JOSD2: variants seen among roughly 807,000 people sequenced by gnomAD.
JOSD2 encodes the protein josephin-2.
In JOSD2, 20 loss-of-function variants were observed where a neutral mutation model predicts 19.3. That is an observed-to-expected ratio of 1.04 (90% confidence interval 0.73 to 1.51). The LOEUF is 1.51. JOSD2 is among the 40% of genes most tolerant of loss of function. The pLI, the probability that JOSD2 is intolerant of heterozygous loss-of-function variation, is 0.00. For synonymous variants in JOSD2, 118 were observed against 123.7 expected, an observed-to-expected ratio of 0.95 and a Z score of 0.31; for missense variants, 215 against 250.4, an observed-to-expected ratio of 0.86 and a Z score of 0.95.
chr19:50,510,102 G>A lies in JOSD2; in HGVS notation c.146+184C>T, dbSNP rs567450752. ...ACTGGATTGAGGTCTGGCTGGGGCT[G>A]AGGCCACAGGGACAGACAGGCACAG... is the stretch of plus-strand genomic sequence containing the variant. On this transcript the variant is annotated intron_variant, in intron 2 of 4. Transcript: ENST00000598418. 34 of 605,962 alleles carry A rather than the reference G, an allele frequency of 5.6e-5. 1 individual carries two copies. The South Asian group carries it at 6.5e-4, about 12-fold the overall frequency. 37.5% of individuals were successfully genotyped at this position (605,962 alleles called of 1,614,324 possible). A position where few individuals can be genotyped will look rare whatever the true frequency, so the allele number is the denominator to read the frequency against.
intron 2 of JOSD2, among the ~76,000 whole-genome samples, chr19:50,509,031 A>G (rs1385404728): frequency 6.7e-6 from 1 of 150,248 alleles, no homozygotes; most frequent in East Asian, 2.0e-4. Flanking sequence ...GCTGGGCAGG[A>G]GAGGGTCAGG....
At chr19:50,509,126 GAC>G (rs1979573572) in intron 2 of JOSD2, among the ~76,000 whole-genome samples, 3 of 126,402 alleles carry the variant, frequency 2.4e-5, no homozygotes, top group African/African-American at 9.7e-5. Context: ...TTTTTTTTGA[GAC>G]AGTCTTGCTC....
chr19:50,509,842 A>G (rs1979633047), intron 2 of JOSD2, among the ~76,000 whole-genome samples: 1 of 151,874 alleles, frequency 6.6e-6, no homozygotes, highest in Admixed American at 6.6e-5. Flanking sequence ...TCACGAGGTC[A>G]GGAGATTGAG....
rs1979361234 is a variant in JOSD2, at chr19:50,506,573, C to G, written c.273-1G>C. The G allele has an allele frequency of 6.6e-7, 1 of 1,523,712 alleles. No homozygotes were observed. The highest frequency in any genetic ancestry group is 1.4e-5 in the African/African-American group (1 of 72,306). The allele number at this position is 1,523,712 out of a possible 1,614,324, so 94.4% of individuals were successfully genotyped here. On this transcript the variant is annotated splice_acceptor_variant, in intron 3 of 4. Transcript: ENST00000598418. LOFTEE classifies it high-confidence loss of function. ...GGGCAGGGCCAGCTGGGACAGGGGC[C>G]TGTGTGGGCAGGGAGGGGACACTGC...
At position 50,507,729 on chromosome 19, in the gene JOSD2, G is replaced by A. The variant is rs1979470074; in HGVS notation, c.147-30C>T. On this transcript the variant is annotated intron_variant, in intron 2 of 4. Coordinates refer to ENST00000598418, the MANE Select transcript of JOSD2 (RefSeq NM_001270639.2). ...TAGTGGGGGTGGCCAGAGCTGAGGT[G>A]GGGACCCCTGGAAAGGCCTCCCCAC... The A allele has an allele frequency of 1.9e-6, 3 of 1,595,228 alleles. No homozygotes were observed. In the East Asian group the frequency reaches 6.7e-5, roughly 36 times the overall value.
At chr19:50,510,177 C>CG in intron 2 of JOSD2, 109 bp downstream of exon 2, 1 of 1,342,408 alleles carries the variant, frequency 7.4e-7, no homozygotes, top group Non-Finnish European at 1.0e-6. Context: ...CAAGTGAGCG[C>CG]GGAGCAGAAG....
At chr19:50,509,103 ATTTT>A (rs34345488) in intron 2 of JOSD2, among the ~76,000 whole-genome samples, 1 of 115,162 alleles carries the variant, frequency 8.7e-6, no homozygotes. Flanking sequence ...TAAAGGAGTG[ATTTT>A]TTTTTTTTTT....
intron 2 of JOSD2, among the ~76,000 whole-genome samples, chr19:50,508,737 GTGTT>G (rs1979544015): frequency 7.1e-6 from 1 of 140,734 alleles, no homozygotes; most frequent in Non-Finnish European, 1.5e-5. Flanking sequence ...GTGTGTGTGT[GTGTT>G]TCCCTCACCA....
intron 2 of JOSD2, chr19:50,507,959 C>G: frequency 3.6e-6 from 2 of 553,436 alleles, no homozygotes; most frequent in Non-Finnish European, 6.5e-6. Context: ...AGTCCTGCCT[C>G]TCCTGCCCCA....
rs1410530768 is a variant in JOSD2, at chr19:50,506,567, A to G, written c.278T>C (p.Leu93Pro). The G allele has an allele frequency of 3.9e-6, 6 of 1,531,474 alleles. No homozygotes were observed. In the African/African-American group the frequency reaches 8.3e-5, roughly 21 times the overall value. The allele number at this position is 1,531,474 out of a possible 1,614,324, so 94.9% of individuals were successfully genotyped here. ...TACCTGGGGCAGGGCCAGCTGGGAC[A>G]GGGGCCTGTGTGGGCAGGGAGGGGA... ...AAVWWDRRRP[L>P]SQLALPQVLG... The change falls in exon 4 of 5, where the codon CTG becomes CCG. Residue 93 changes from leucine to proline, a missense_variant. Transcript: ENST00000598418.
chr19:50,506,960 G>GC lies in JOSD2; in HGVS notation c.273-389dup, dbSNP rs1444160260. ...ACCCCACTGAGCCTCCCAGCCACCA[G>GC]CCAACTTCCCAATGACGATTCACAC... On this transcript the variant is annotated intron_variant, in intron 3 of 4. Coordinates refer to ENST00000598418, the MANE Select transcript of JOSD2 (RefSeq NM_001270639.2). Among the ~76,000 whole-genome samples, 7 of 150,732 alleles carry GC rather than the reference G, an allele frequency of 4.6e-5. No individual in the cohort carries two copies. The East Asian group carries it at 1.2e-3, about 25-fold the overall frequency.
chr19:50,506,972 A>G (rs1476433813), intron 3 of JOSD2, among the ~76,000 whole-genome samples: 1 of 150,156 alleles, frequency 6.7e-6, no homozygotes, highest in African/African-American at 2.5e-5. Flanking sequence ...CAACTTCCCA[A>G]TGACGATTCA....
chr19:50,509,018 C>T (rs1354230080), intron 2 of JOSD2, among the ~76,000 whole-genome samples: 1 of 150,692 alleles, frequency 6.6e-6, no homozygotes, highest in African/African-American at 2.4e-5. Context: ...AGGCCATGGG[C>T]AGGCTGGGCA....
chr19:50,509,103 AT>A (rs34345488), intron 2 of JOSD2, among the ~76,000 whole-genome samples: 3,258 of 115,110 alleles, frequency 0.028, 71 homozygotes, highest in African/African-American at 0.075. Flanking sequence ...TAAAGGAGTG[AT>A]TTTTTTTTTT....
intron 2 of JOSD2, among the ~76,000 whole-genome samples, chr19:50,509,701 G>A (rs1979618527): frequency 6.6e-6 from 1 of 152,114 alleles, no homozygotes; most frequent in African/African-American, 2.4e-5. Flanking sequence ...TGGGGAGGCT[G>A]AGGTGGGAGG....
At chr19:50,506,633 G>A in intron 3 of JOSD2, 61 bp from the exon 4 acceptor site, 1 of 1,424,200 alleles carries the variant, frequency 7.0e-7, no homozygotes, top group South Asian at 1.4e-5. Flanking sequence ...GTGAAATGTT[G>A]CTGAACATGT....
rs972479898 is a variant in JOSD2 at position 50,506,714 on chromosome 19, T to A, written c.273-142A>T. The A allele has an allele frequency of 4.5e-5, 33 of 726,000 alleles. No homozygotes were observed. The African/African-American group carries it at 5.0e-4, about 11-fold the overall frequency. The allele number at this position is 726,000 out of a possible 1,614,324, so 45.0% of individuals were successfully genotyped here. Reference sequence around the variant, plus strand: ...GGTGTTCCTTAATCAGCCACCCTGGTTCCCGACACTCATCCGTTCACCTGC... The same window carrying A: ...GGTGTTCCTTAATCAGCCACCCTGGATCCCGACACTCATCCGTTCACCTGC... On this transcript the variant is annotated intron_variant, in intron 3 of 4. Transcript: ENST00000598418.
chr19:50,511,000 G>A (rs1979804971), intron 1 of JOSD2, 117 bp downstream of exon 1: 2 of 430,410 alleles, frequency 4.6e-6, no homozygotes, highest in South Asian at 1.6e-5. Context: ...AGCAACAGGA[G>A]TTCCTCTTCC....
intron 1 of JOSD2, 68 bp from the exon 2 acceptor site, chr19:50,510,516 C>T: frequency 1.4e-6 from 2 of 1,432,712 alleles, no homozygotes; most frequent in Non-Finnish European, 1.9e-6. Flanking sequence ...CCCAGCAGGC[C>T]TTTGGGGCAT....
Sources: gnomAD v4.1 joint callset for allele counts (sites outside exome capture counted in the v4.1 genomes callset) on GRCh38, gnomAD v4.1.1 for gene constraint, MANE v1.5 for transcripts, NCBI Gene and HGNC (gene_info 2026-07-23, HGNC 2026-07-21) for gene names.